JHY: variants seen among roughly 807,000 people sequenced by gnomAD.
JHY encodes the protein junctional cadherin complex regulator.
A neutral mutation model predicts 78.0 loss-of-function variants in JHY; 69 were observed. The observed-to-expected ratio is 0.88, with a 90% CI of 0.73 to 1.08. The LOEUF is 1.08. Ranked by LOEUF, JHY falls within the 50% of genes least tolerant of loss-of-function variation. The probability of loss-of-function intolerance (pLI) is 0.00; values close to 1 mark genes in which losing one functional copy is unlikely to be tolerated. For synonymous variants in JHY, 368 were observed against 342.6 expected (o/e 1.07, Z -0.82); for missense variants, 944 against 927.8 (o/e 1.02, Z -0.23).
chr11:122,894,925 T>A (rs1398548282), intron 2 of JHY, among the ~76,000 whole-genome samples: 3 of 152,232 alleles, frequency 2.0e-5, no homozygotes, highest in Admixed American at 1.3e-4. Context: ...TTTAGCAGAA[T>A]AAATGCCTGC....
intron 3 of JHY, among the ~76,000 whole-genome samples, chr11:122,919,505 A>G (rs1462305049): frequency 6.6e-6 from 1 of 152,168 alleles, no homozygotes; most frequent in Non-Finnish European, 1.5e-5. Flanking sequence ...GGAAGGGAGC[A>G]AGGGGCCACA....
intron 2 of JHY, among the ~76,000 whole-genome samples, chr11:122,890,727 T>C (rs954817882): frequency 1.3e-5 from 2 of 152,182 alleles, no homozygotes; most frequent in African/African-American, 4.8e-5. Context: ...AAAATTATGG[T>C]TAGATCCTTG....
chr11:122,916,726 A>T (rs528838059), intron 3 of JHY, among the ~76,000 whole-genome samples: 1 of 151,854 alleles, frequency 6.6e-6, no homozygotes, highest in South Asian at 2.1e-4. Context: ...TGCAGCCTCC[A>T]CCTCCCAGGT....
chr11:122,904,033 G>T lies in JHY; in HGVS notation c.453G>T (p.Thr151=). 2.5e-6 allele frequency: 4 copies of T among 1,614,102 alleles called. No homozygotes were observed. Among genetic ancestry groups the T allele is most frequent in the Non-Finnish European group, 3.4e-6 (4 of 1,180,016 alleles). ...LLSVEALPES[T]DSSLENLPLA... ...CTGTGGAAGCGTTGCCGGAGTCCAC[G>T]GACAGCTCTTTAGAAAATCTGCCTT... Residue 151 remains threonine, a synonymous_variant, in exon 3 of 9, where the codon ACG becomes ACT. Transcript: ENST00000227349.
At chr11:122,913,747 C>G (rs559322952) in intron 3 of JHY, among the ~76,000 whole-genome samples, 2 of 152,156 alleles carry the variant, frequency 1.3e-5, no homozygotes, top group Non-Finnish European at 2.9e-5. Context: ...CTGCAGAACC[C>G]GTAACCCCAC....
intron 3 of JHY, among the ~76,000 whole-genome samples, 175 bp from the exon 4 acceptor site, chr11:122,924,722 C>T (rs944117671): frequency 1.3e-5 from 2 of 152,134 alleles, no homozygotes; most frequent in African/African-American, 4.8e-5. Context: ...TGTTTATTCC[C>T]ATTCTCCTTA....
At chr11:122,949,881 G>A (rs1418234123) in intron 6 of JHY, among the ~76,000 whole-genome samples, 2 of 148,314 alleles carry the variant, frequency 1.3e-5, no homozygotes, top group African/African-American at 5.0e-5. Flanking sequence ...TCATCGCCCA[G>A]GCTGGTGTGC....
chr11:122,914,981 C>G (rs1167662457), intron 3 of JHY, among the ~76,000 whole-genome samples: 18 of 151,942 alleles, frequency 1.2e-4, no homozygotes. Flanking sequence ...GCTGCTTAAA[C>G]TACCAATTTG....
rs772367083 is a variant in JHY at position 122,924,865 on chromosome 11, GTTAACATGCTGTATGTGT to G, written c.865-29_865-12del. ...TGGCTCTAAGACTAAAATGAATCCA[GTTAACATGCTGTATGTGT>G]TTTACCTACCTAGATCTCCTACCCC... On this transcript the variant is annotated splice_polypyrimidine_tract_variant and intron_variant, in intron 3 of 8. Coordinates refer to ENST00000227349, the MANE Select transcript of JHY (RefSeq NM_024806.4). The G allele has an allele frequency of 1.2e-5, 18 of 1,546,424 alleles. No individual in the cohort carries two copies. The African/African-American group carries it at 2.2e-4, about 19-fold the overall frequency.
intron 6 of JHY, among the ~76,000 whole-genome samples, chr11:122,955,773 T>G (rs574615008): frequency 6.6e-6 from 1 of 152,318 alleles, no homozygotes; most frequent in African/African-American, 2.4e-5. Flanking sequence ...TTCCCCCCAA[T>G]AATCAATAGC....
At chr11:122,897,018 G>A (rs941416107) in intron 2 of JHY, among the ~76,000 whole-genome samples, 1 of 151,786 alleles carries the variant, frequency 6.6e-6, no homozygotes, top group Non-Finnish European at 1.5e-5. Flanking sequence ...CGCCATGCCC[G>A]GCTAATTTTT....
Position 122,917,239 on chromosome 11 carries a change from C to T in JHY, c.865-7658C>T, listed in dbSNP as rs771279972. Reference sequence around the variant, plus strand: ...GGTGTACTAGAGAGAGCCTAGCAGCCGTAAGCATTTAGCTATGGCCTCAGG... The same window carrying T: ...GGTGTACTAGAGAGAGCCTAGCAGCTGTAAGCATTTAGCTATGGCCTCAGG... On this transcript the variant is annotated intron_variant, in intron 3 of 8. Transcript: ENST00000227349. This position sits in a 1 kb window ranked among gnomAD's most constrained non-coding sequence, Gnocchi z 4.1. Among the ~76,000 whole-genome samples the T allele has an allele frequency of 6.6e-6, 1 of 152,092 alleles. No individual in the cohort carries two copies. The highest frequency in any genetic ancestry group is 1.5e-5 in the Non-Finnish European group (1 of 68,030).
intron 3 of JHY, among the ~76,000 whole-genome samples, chr11:122,908,989 C>T (rs1241197133): frequency 2.0e-5 from 3 of 152,166 alleles, no homozygotes; most frequent in Non-Finnish European, 4.4e-5. Flanking sequence ...TCTCATTACT[C>T]TTAATTTCCA....
chr11:122,916,244 T>C (rs1863231928), intron 3 of JHY, among the ~76,000 whole-genome samples: 1 of 152,140 alleles, frequency 6.6e-6, no homozygotes, highest in Non-Finnish European at 1.5e-5. Flanking sequence ...ACCCCACATA[T>C]CTTGTTCAAT....
At chr11:122,924,719 T>C (rs1365144870) in intron 3 of JHY, among the ~76,000 whole-genome samples, 178 bp from the exon 4 acceptor site, 1 of 152,174 alleles carries the variant, frequency 6.6e-6, no homozygotes, top group African/African-American at 2.4e-5. Flanking sequence ...CATTGTTTAT[T>C]CCCATTCTCC....
chr11:122,930,743 G>A (rs1863619021), intron 4 of JHY, among the ~76,000 whole-genome samples: 1 of 152,192 alleles, frequency 6.6e-6, no homozygotes, highest in Non-Finnish European at 1.5e-5. Context: ...TGTGTGCCCA[G>A]ACTGAATGCA....
At chr11:122,949,550 G>A (rs1260857584) in intron 6 of JHY, among the ~76,000 whole-genome samples, 1 of 152,150 alleles carries the variant, frequency 6.6e-6, no homozygotes, top group Non-Finnish European at 1.5e-5. Context: ...TTGGGGCTGA[G>A]ATATGACCCC....
chr11:122,904,427 G>T lies in JHY; in HGVS notation c.847G>T (p.Glu283Ter). 6.2e-7 allele frequency: 1 copy of T among 1,613,030 alleles called. No homozygotes were observed. The highest frequency in any genetic ancestry group is 1.1e-5 in the South Asian group (1 of 90,996). ...YLQLHNKKRG[E>*]SHPEQISYPV... is the part of the protein sequence containing the mutation. Reference sequence around the variant, plus strand: ...TCAACTTCACAATAAAAAAAGAGGGGAATCTCATCCAGAACAGGTACGTAG... The same window carrying T: ...TCAACTTCACAATAAAAAAAGAGGGTAATCTCATCCAGAACAGGTACGTAG... Residue 283 changes from glutamate to a stop codon, truncating the protein, a stop_gained, in exon 3 of 9, where the codon GAA (glutamate) becomes TAA (stop). Coordinates refer to ENST00000227349, the MANE Select transcript of JHY (RefSeq NM_024806.4). LOFTEE classifies it high-confidence loss of function.
intron 6 of JHY, among the ~76,000 whole-genome samples, chr11:122,949,059 G>A (rs903508019): frequency 4.7e-5 from 7 of 150,158 alleles, no homozygotes; most frequent in African/African-American, 1.7e-4. Context: ...ACTCCAGCCT[G>A]GGGGACAGAG....
Sources: gnomAD v4.1 joint callset for allele counts (sites outside exome capture counted in the v4.1 genomes callset) on GRCh38, gnomAD v4.1.1 for gene constraint, Gnocchi (gnomAD v3.1) non-coding constraint, MANE v1.5 for transcripts, NCBI Gene and HGNC (gene_info 2026-07-23, HGNC 2026-07-21) for gene names.